The following TRIP4 variants were observed in gnomAD, a reference collection of about 807,000 sequenced individuals.
TRIP4 encodes the protein thyroid hormone receptor interactor 4.
TRIP4 carries 54 observed loss-of-function variants against 81.8 expected under a neutral mutation model. That is an observed-to-expected ratio of 0.66 (90% confidence interval 0.53 to 0.83). The LOEUF is 0.83. Among genes scored for constraint, TRIP4 ranks in the 40% least tolerant of loss-of-function variants. The pLI is 0.00. For missense variants in TRIP4, 662 were observed against 683.6 expected (o/e 0.97, Z 0.35); for synonymous variants, 270 against 242.8 (o/e 1.11, Z -1.04).
chr15:64,439,512 C>CTTTTT (rs71895300), intron 11 of TRIP4, among the ~76,000 whole-genome samples: 14 of 47,928 alleles, frequency 2.9e-4, no homozygotes, highest in African/African-American at 1.3e-3. Flanking sequence ...ACTTATAAAT[C>CTTTTT]TTTTTTTTTT....
chr15:64,398,314 T>C (rs960463915), intron 4 of TRIP4, among the ~76,000 whole-genome samples: 1 of 143,500 alleles, frequency 7.0e-6, no homozygotes, highest in East Asian at 2.1e-4. Context: ...ACGCCTGTAG[T>C]CCCAACACTT....
At position 64,450,719 on chromosome 15, in the gene TRIP4, T is replaced by C. The variant is rs771329764; in HGVS notation, c.1679-4278T>C. ...TTCCTGGGAATATCCTGGAAATCCT[T>C]GTTCCTCTTGTATCTTGTTTCTCCT... is the stretch of plus-strand genomic sequence containing the variant. On this transcript the variant is annotated intron_variant, in intron 12 of 12. Transcript: ENST00000261884. The C allele has an allele frequency of 4.8e-5, 22 of 455,946 alleles. No homozygotes were observed. In the East Asian group the frequency reaches 1.2e-3, roughly 26 times the overall value. The allele number at this position is 455,946 out of a possible 1,614,324, so 28.2% of individuals were successfully genotyped here. A position where few individuals can be genotyped will look rare whatever the true frequency, so the allele number is the denominator to read the frequency against.
At chr15:64,402,371 C>T (rs1201547422) in intron 5 of TRIP4, among the ~76,000 whole-genome samples, 1 of 151,354 alleles carries the variant, frequency 6.6e-6, no homozygotes, top group Admixed American at 6.6e-5. Context: ...TACAGGCATG[C>T]GTCACCACCC....
intron 12 of TRIP4, among the ~76,000 whole-genome samples, chr15:64,452,501 A>G (rs1198786176): frequency 6.6e-6 from 1 of 152,204 alleles, no homozygotes; most frequent in Non-Finnish European, 1.5e-5. Context: ...CTGAACCTGT[A>G]GTTATTTGAT....
At chr15:64,420,531 T>TA (rs1372052742) in intron 9 of TRIP4, among the ~76,000 whole-genome samples, 1 of 150,516 alleles carries the variant, frequency 6.6e-6, no homozygotes, top group East Asian at 1.9e-4. Flanking sequence ...TCTTATTTCT[T>TA]TTTTTTTTTT....
chr15:64,392,133 C>T (rs767278905), intron 1 of TRIP4, among the ~76,000 whole-genome samples: 11 of 150,880 alleles, frequency 7.3e-5, no homozygotes, highest in Non-Finnish European at 3.0e-5. Context: ...AAAAACAAAA[C>T]AAAACAAAAC....
chr15:64,421,267 G>A (rs1892006202), intron 9 of TRIP4, among the ~76,000 whole-genome samples: 2 of 149,886 alleles, frequency 1.3e-5, no homozygotes, highest in South Asian at 4.2e-4. Flanking sequence ...GGGCGACAGA[G>A]TGAGACTCCA....
In TRIP4 at chr15:64,431,845, A is replaced by AT. The variant is rs1237735745; in HGVS notation, c.1575+6215dup. ...AACCATTTATATTATATATATATAT[A>AT]TATTTTTTTTATCCAAAGAGCATTG... On this transcript the variant is annotated intron_variant, in intron 11 of 12. Coordinates refer to ENST00000261884, the MANE Select transcript of TRIP4 (RefSeq NM_016213.5). 4.2e-3 allele frequency among the ~76,000 whole-genome samples: 96 copies of AT among 22,722 alleles called. 2 individuals carry two copies. Among genetic ancestry groups the AT allele is most frequent in the African/African-American group, 7.7e-3 (89 of 11,588 alleles). The allele number at this position is 22,722 out of a possible 152,430, so 14.9% of individuals were successfully genotyped here. A position where few individuals can be genotyped will look rare whatever the true frequency, so the allele number is the denominator to read the frequency against.
At chr15:64,414,810 A>AGCTGGCATTCATTAAAAGT (rs1359187186) in intron 8 of TRIP4, among the ~76,000 whole-genome samples, 22 of 152,070 alleles carry the variant, frequency 1.4e-4, no homozygotes, top group Non-Finnish European at 2.6e-4. Flanking sequence ...TTTATAGGGA[A>AGCTGGCATTCATTAAAAGT]GCTGGCATTC....
chr15:64,410,184 C>A (rs962431973), intron 7 of TRIP4, among the ~76,000 whole-genome samples: 40 of 151,916 alleles, frequency 2.6e-4, no homozygotes, highest in African/African-American at 9.4e-4. Flanking sequence ...CACCACCATG[C>A]CCAGCTAATT....
At chr15:64,400,463 T>A (rs952179461) in intron 4 of TRIP4, among the ~76,000 whole-genome samples, 16 of 130,550 alleles carry the variant, frequency 1.2e-4, no homozygotes, top group African/African-American at 3.7e-4. Context: ...CATAAGCCAC[T>A]GTGCCCAGCC....
chr15:64,428,033 C>G (rs1057116531), intron 11 of TRIP4, among the ~76,000 whole-genome samples: 13 of 151,872 alleles, frequency 8.6e-5, no homozygotes, highest in Middle Eastern at 3.4e-3. Context: ...TTTAGAGATT[C>G]ACAGTCGTTA....
chr15:64,421,325 TTTTC>T (rs772271463), intron 9 of TRIP4, among the ~76,000 whole-genome samples: 10 of 151,176 alleles, frequency 6.6e-5, no homozygotes, highest in South Asian at 4.2e-4. Context: ...CTACCTTTTA[TTTTC>T]TTTCTTTCTT....
Position 64,387,903 on chromosome 15 carries a change from C to G in TRIP4, c.40C>G (p.His14Asp), listed in dbSNP as rs1344982585. Reference protein sequence around the residue: ...AGAVSGEPLVHWCTQQLRKTF... With the variant: ...AGAVSGEPLVDWCTQQLRKTF... ...GGCGGTGTCCGGGGAGCCGCTGGTG[C>G]ACTGGTGCACCCAGCAGTTGCGGAA... is the stretch of plus-strand genomic sequence containing the variant. The change falls in exon 1 of 13, where the codon CAC (histidine) becomes GAC (aspartate). Residue 14 changes from histidine (H) to aspartate (D), a missense_variant. Transcript: ENST00000261884. 2.6e-6 allele frequency: 4 copies of G among 1,550,296 alleles called. No individual in the cohort carries two copies. The highest frequency in any genetic ancestry group is 3.5e-6 in the Non-Finnish European group (4 of 1,147,058).
rs904185207 is a variant in TRIP4, at chr15:64,393,970, T to C, written c.126T>C (p.Ala42=). 1.2e-6 allele frequency: 2 copies of C among 1,603,936 alleles called. No individual in the cohort carries two copies. Among genetic ancestry groups the C allele is most frequent in the African/African-American group, 1.3e-5 (1 of 74,460 alleles). The part of the protein sequence containing the change: ...IIQYVLSIES[A]EEIREYVTDL... ...GGTACGTTTTGTCAATTGAGAGTGC[T>C]GAAGAGATACGAGAATATGTTACTG... Residue 42 remains alanine (A), a synonymous_variant, in exon 2 of 13, where the codon GCT becomes GCC. Transcript: ENST00000261884.
At chr15:64,439,510 ATCT>A (rs1168058713) in intron 11 of TRIP4, among the ~76,000 whole-genome samples, 1 of 122,802 alleles carries the variant, frequency 8.1e-6, no homozygotes, top group African/African-American at 3.0e-5. Context: ...CAACTTATAA[ATCT>A]TTTTTTTTTT....
chr15:64,415,703 C>T (rs1283609323), intron 8 of TRIP4, among the ~76,000 whole-genome samples: 1 of 152,160 alleles, frequency 6.6e-6, no homozygotes, highest in East Asian at 1.9e-4. Context: ...AAACTGATTA[C>T]ACCTGTAAAG....
At chr15:64,444,873 A>G (rs1454696351) in intron 11 of TRIP4, 133 bp from the exon 12 acceptor site, 4 of 591,398 alleles carry the variant, frequency 6.8e-6, no homozygotes, top group African/African-American at 5.7e-5. Context: ...CTTGTTGAGC[A>G]TAATCCTCTT....
intron 9 of TRIP4, among the ~76,000 whole-genome samples, chr15:64,421,477 A>C (rs879422997): frequency 2.4e-4 from 36 of 151,244 alleles, no homozygotes; most frequent in Non-Finnish European, 5.2e-4. Context: ...CTGGGATTAC[A>C]GACATGCACC....
Sources: allele counts gnomAD v4.1 joint callset (sites outside exome capture counted in the v4.1 genomes callset), GRCh38; gene constraint gnomAD v4.1.1; transcripts MANE v1.5; gene names NCBI Gene and HGNC (gene_info 2026-07-23, HGNC 2026-07-21).